PCDH15: variants seen among roughly 807,000 people sequenced by gnomAD.
PCDH15 encodes the protein protocadherin-15.
In PCDH15, 129 loss-of-function variants were observed where a neutral mutation model predicts 178.5. The observed-to-expected ratio is 0.72, with a 90% confidence interval of 0.63 to 0.84. The LOEUF (loss-of-function observed/expected upper bound fraction) is 0.84. PCDH15 is among the 40% of genes least tolerant of loss of function. The probability of loss-of-function intolerance (pLI) is 0.00; values close to 1 mark genes in which losing one functional copy is unlikely to be tolerated. For missense variants in PCDH15, 2,230 were observed against 2,099.9 expected (o/e 1.06, Z -1.21); for synonymous variants, 800 against 732.0 (o/e 1.09, Z -1.50).
chr10:55,231,848 G>T (rs534772574), intron 1 of PCDH15, among the ~76,000 whole-genome samples: 4 of 151,684 alleles, frequency 2.6e-5, no homozygotes, highest in South Asian at 2.1e-4. Context: ...CTAAATTCTC[G>T]ATATTTGCTT....
intron 3 of PCDH15, among the ~76,000 whole-genome samples, chr10:54,818,221 T>G (rs1010419140): frequency 2.6e-5 from 4 of 152,038 alleles, no homozygotes; most frequent in Non-Finnish European, 4.4e-5. Flanking sequence ...TTTAAAAATT[T>G]TTAAGGAAAA....
intron 1 of PCDH15, among the ~76,000 whole-genome samples, chr10:54,734,759 T>C (rs952940753): frequency 3.9e-5 from 6 of 152,104 alleles, no homozygotes; most frequent in Middle Eastern, 6.8e-3. Flanking sequence ...CTACAATCCA[T>C]GTGGATGAGT....
At chr10:54,840,486 A>G (rs1564557912) in intron 3 of PCDH15, among the ~76,000 whole-genome samples, 1 of 151,926 alleles carries the variant, frequency 6.6e-6, no homozygotes, top group Non-Finnish European at 1.5e-5. Flanking sequence ...AAAGTAGTGG[A>G]GAAAAATCAT....
chr10:54,353,679 A>C (rs1293641756), intron 5 of PCDH15, among the ~76,000 whole-genome samples: 1 of 151,662 alleles, frequency 6.6e-6, no homozygotes, highest in Non-Finnish European at 1.5e-5. Context: ...TGGTCCATCT[A>C]TTTTATTCTG....
intron 25 of PCDH15, among the ~76,000 whole-genome samples, chr10:53,931,234 A>T (rs2085034120): frequency 6.6e-6 from 1 of 152,210 alleles, no homozygotes; most frequent in Non-Finnish European, 1.5e-5. Context: ...TGTAATAATG[A>T]CTAAACCACT....
chr10:54,533,888 A>T (rs541891338), intron 2 of PCDH15, among the ~76,000 whole-genome samples: 1 of 152,312 alleles, frequency 6.6e-6, no homozygotes, highest in African/African-American at 2.4e-5. Context: ...CTAATATATT[A>T]TAGTGGTTGT....
At chr10:54,373,038 A>AT in intron 4 of PCDH15, among the ~76,000 whole-genome samples, 1 of 151,960 alleles carries the variant, frequency 6.6e-6, no homozygotes, top group East Asian at 1.9e-4. Flanking sequence ...TAAAATAGAA[A>AT]TTTTTGTTAT....
chr10:54,066,570 G>A (rs748412067), intron 18 of PCDH15, among the ~76,000 whole-genome samples, 187 bp downstream of exon 18: 12 of 152,216 alleles, frequency 7.9e-5, no homozygotes, highest in Admixed American at 3.3e-4. Flanking sequence ...ATTATAAAAT[G>A]TAAATCTGTA....
intron 2 of PCDH15, among the ~76,000 whole-genome samples, chr10:54,587,611 G>T (rs1388751603): frequency 2.0e-5 from 3 of 151,950 alleles, no homozygotes; most frequent in African/African-American, 7.2e-5. Context: ...ATAAAGTGAT[G>T]AAAGCTGATC....
At chr10:53,878,905 G>C (rs1191170454) in intron 26 of PCDH15, among the ~76,000 whole-genome samples, 1 of 152,074 alleles carries the variant, frequency 6.6e-6, no homozygotes, top group Non-Finnish European at 1.5e-5. Flanking sequence ...ATTCTCTAAG[G>C]CTTTGCTCCT....
intron 2 of PCDH15, among the ~76,000 whole-genome samples, chr10:54,911,723 G>C (rs1441010954): frequency 6.6e-6 from 1 of 152,146 alleles, no homozygotes; most frequent in Admixed American, 6.5e-5. Flanking sequence ...TCTCCTGATA[G>C]TGAGAGAGCT....
chr10:54,564,127 T>TC (rs1565608771), intron 2 of PCDH15, among the ~76,000 whole-genome samples: 10 of 149,118 alleles, frequency 6.7e-5, no homozygotes, highest in African/African-American at 2.2e-4. Flanking sequence ...TTCCTTGTTT[T>TC]TCCCCCCCAC....
At chr10:53,991,882 G>T (rs550912207) in intron 21 of PCDH15, among the ~76,000 whole-genome samples, 1 of 151,672 alleles carries the variant, frequency 6.6e-6, no homozygotes, top group Non-Finnish European at 1.5e-5. Context: ...TGTAAAATGG[G>T]CCAATCAGCA....
chr10:54,701,233 G>A (rs191267179), intron 1 of PCDH15, among the ~76,000 whole-genome samples: 163 of 152,150 alleles, frequency 1.1e-3, no homozygotes, highest in Admixed American at 2.0e-3. Flanking sequence ...AAGAGATTAA[G>A]ATTCTTTTCA....
intron 3 of PCDH15, among the ~76,000 whole-genome samples, chr10:54,836,901 C>A (rs773574771): frequency 6.6e-6 from 1 of 151,996 alleles, no homozygotes; most frequent in African/African-American, 2.4e-5. Flanking sequence ...TTGAGAAGAT[C>A]TCCACATAAA....
chr10:54,332,853 A>G (rs1005711933), intron 6 of PCDH15, among the ~76,000 whole-genome samples: 3 of 152,076 alleles, frequency 2.0e-5, no homozygotes, highest in Non-Finnish European at 4.4e-5. Context: ...AGCACTTTCA[A>G]TTGCACTGAA....
chr10:54,246,820 C>G (rs1272771075), intron 8 of PCDH15, among the ~76,000 whole-genome samples: 1 of 151,880 alleles, frequency 6.6e-6, no homozygotes, highest in Non-Finnish European at 1.5e-5. Context: ...ACATCTTTAC[C>G]AATTTCAGTC....
intron 2 of PCDH15, among the ~76,000 whole-genome samples, chr10:55,504,959 AT>A (rs551260587): frequency 6.6e-6 from 1 of 151,486 alleles, no homozygotes; most frequent in Non-Finnish European, 1.5e-5. Context: ...AATTTCAAGC[AT>A]GTCAAACTAT....
At chr10:53,962,024 C>A in intron 21 of PCDH15, 132 bp from the exon 22 acceptor site, 1 of 752,406 alleles carries the variant, frequency 1.3e-6, no homozygotes, top group South Asian at 1.8e-5. Flanking sequence ...TTCATTCTTT[C>A]AGAGCTGAAA....
Sources: allele counts gnomAD v4.1 joint callset (sites outside exome capture counted in the v4.1 genomes callset), GRCh38; gene constraint gnomAD v4.1.1; transcripts MANE v1.5; gene names NCBI Gene and HGNC (gene_info 2026-07-23, HGNC 2026-07-21).